The following VWDE variants were observed in gnomAD, a reference collection of about 807,000 sequenced individuals.
VWDE encodes von Willebrand factor D and EGF domains.
In VWDE, 207 loss-of-function variants were observed where a neutral mutation model predicts 178.4. The ratio of observed to expected loss-of-function variants is 1.16; its 90% CI spans 1.04 to 1.30. The LOEUF (loss-of-function observed/expected upper bound fraction) is 1.30. Among genes scored for constraint, VWDE ranks in the 50% most tolerant of loss-of-function variants. VWDE has a pLI of 0.00. For missense variants in VWDE, 2,287 were observed against 1,901.3 expected (o/e 1.20, Z -3.77); for synonymous variants, 738 against 651.4 (o/e 1.13, Z -2.02).
intron 12 of VWDE, among the ~76,000 whole-genome samples, chr7:12,367,979 C>G (rs1307378048): frequency 6.6e-6 from 1 of 151,692 alleles, no homozygotes; most frequent in Non-Finnish European, 1.5e-5. Context: ...TTATTAAACC[C>G]CTTGCCTAAC....
At chr7:12,336,012 C>A in intron 27 of VWDE, 129 bp downstream of exon 27, 2 of 754,102 alleles carry the variant, frequency 2.7e-6, no homozygotes, top group Non-Finnish European at 4.1e-6. Context: ...TATCTAAAAT[C>A]ATTTTTTAAA....
At chr7:12,377,580 G>T in intron 7 of VWDE, 196 bp downstream of exon 7, 1 of 383,310 alleles carries the variant, frequency 2.6e-6, no homozygotes. Flanking sequence ...TATGCTTTCA[G>T]CCAAGAAGAA....
At chr7:12,374,917 AT>A (rs1340771464) in intron 8 of VWDE, 92 bp downstream of exon 8, 82 of 1,312,008 alleles carry the variant, frequency 6.2e-5, no homozygotes, top group Non-Finnish European at 7.8e-5. Flanking sequence ...TTACCAAAAA[AT>A]TTTTTACATA....
At chr7:12,383,658 C>T (rs953885498) in intron 3 of VWDE, 57 bp from the exon 4 acceptor site, 1 of 1,363,222 alleles carries the variant, frequency 7.3e-7, no homozygotes, top group Non-Finnish European at 1.0e-6. Context: ...TATACATCTA[C>T]ATATATCCAA....
chr7:12,355,863 G>C (rs1028886653), intron 18 of VWDE, among the ~76,000 whole-genome samples: 1 of 151,894 alleles, frequency 6.6e-6, no homozygotes, highest in Non-Finnish European at 1.5e-5. Context: ...GGAATGTTTA[G>C]GAACCTGCAA....
chr7:12,344,771 G>A (rs1461287076), intron 19 of VWDE, among the ~76,000 whole-genome samples: 1 of 152,168 alleles, frequency 6.6e-6, no homozygotes, highest in Non-Finnish European at 1.5e-5. Flanking sequence ...ATTGTGAGAA[G>A]ATAGAAACAA....
Position 12,361,407 on chromosome 7 carries a change from C to A in VWDE, c.3013G>T (p.Asp1005Tyr). Residue 1005 changes from aspartate to tyrosine, a missense_variant, in exon 14 of 29, where the codon GAT (aspartate) becomes TAT (tyrosine). Coordinates refer to ENST00000275358, the MANE Select transcript of VWDE (RefSeq NM_001135924.3). ...CCAGTTGGTTTCCCACCCACCAGAT[C>A]CATGGTATCAAACTGCTGAACATCA... ...PTDVQQFDTM[D>Y]LVGGKPTGKW... 2 of 1,550,956 alleles carry A rather than the reference C, an allele frequency of 1.3e-6. No homozygotes were observed. The highest frequency in any genetic ancestry group is 2.4e-5 in the East Asian group (1 of 40,872).
intron 12 of VWDE, among the ~76,000 whole-genome samples, chr7:12,368,056 C>T (rs1417905388): frequency 6.6e-6 from 1 of 151,452 alleles, no homozygotes; most frequent in Non-Finnish European, 1.5e-5. Flanking sequence ...GTATTCAGAA[C>T]CTTAAAAATC....
rs138386323 is a variant in VWDE at position 12,336,080 on chromosome 7, T to TA, written c.4654+60dup. The TA allele has an allele frequency of 3.5e-3, 4,974 of 1,402,546 alleles. 143 individuals carry two copies. The African/African-American group carries it at 0.063, about 18-fold the overall frequency. The allele number at this position is 1,402,546 out of a possible 1,614,324, so 86.9% of individuals were successfully genotyped here. ...ATGGACTTGTCCTAAAGCTATACTT[T>TA]AATTATTATAACAGATTCCAATTCA... On this transcript the variant is annotated intron_variant, in intron 27 of 28. Transcript: ENST00000275358.
intron 24 of VWDE, among the ~76,000 whole-genome samples, chr7:12,338,565 A>G (rs79406113): frequency 0.019 from 2,835 of 152,224 alleles, 83 homozygotes; most frequent in African/African-American, 0.064. Context: ...ACAAAAAAGC[A>G]TACATACTTA....
chr7:12,377,110 G>C (rs1783572374), intron 7 of VWDE, among the ~76,000 whole-genome samples: 1 of 152,030 alleles, frequency 6.6e-6, no homozygotes, highest in African/African-American at 2.4e-5. Flanking sequence ...CTCTACATCA[G>C]GGGCTCAGTG....
rs958367915 is a variant in VWDE at position 12,370,205 on chromosome 7, G to A, written c.2101C>T (p.His701Tyr). 3.2e-6 allele frequency: 5 copies of A among 1,550,640 alleles called. No individual in the cohort carries two copies. The highest frequency in any genetic ancestry group is 4.4e-6 in the Non-Finnish European group (5 of 1,146,702). Residue 701 changes from histidine to tyrosine, a missense_variant, in exon 12 of 29, where the codon CAC (histidine) becomes TAC (tyrosine). His to Tyr is a moderately conservative substitution (Grantham distance 83). Coordinates refer to ENST00000275358, the MANE Select transcript of VWDE (RefSeq NM_001135924.3). ...AAGCCGAGTTTAGTCAGGTTTATGT[G>A]TTTTTTTTCTTGCAGAAATAAATTT... ...NLNLFLQEKKHINLTKLGLNV... is the reference protein window; with the variant it reads ...NLNLFLQEKKYINLTKLGLNV...
chr7:12,385,398 G>T (rs1784050558), intron 3 of VWDE, among the ~76,000 whole-genome samples: 1 of 152,156 alleles, frequency 6.6e-6, no homozygotes, highest in Non-Finnish European at 1.5e-5. Flanking sequence ...TTCTAAAGTA[G>T]TTATGATAAG....
intron 16 of VWDE, among the ~76,000 whole-genome samples, chr7:12,358,897 T>A (rs2128552656): frequency 6.6e-6 from 1 of 152,318 alleles, no homozygotes; most frequent in East Asian, 1.9e-4. Flanking sequence ...CTGGCAAATG[T>A]AATGAAACAC....
At chr7:12,336,939 A>G (rs1781066175) in intron 26 of VWDE, 49 bp downstream of exon 26, 1 of 1,473,396 alleles carries the variant, frequency 6.8e-7, no homozygotes, top group African/African-American at 1.4e-5. Context: ...TCTGCTTTAC[A>G]TTCCCATGAA....
intron 1 of VWDE, among the ~76,000 whole-genome samples, chr7:12,398,271 C>T (rs1043824671): frequency 3.9e-5 from 6 of 152,050 alleles, no homozygotes; most frequent in Admixed American, 3.9e-4. Context: ...TAGAAATTGA[C>T]CCTCCCAGTC....
intron 17 of VWDE, 87 bp from the exon 18 acceptor site, chr7:12,356,417 T>A: frequency 1.0e-6 from 1 of 993,992 alleles, no homozygotes. Context: ...GTCATGTATG[T>A]TTATGTACAA....
Position 12,341,911 on chromosome 7 carries a change from G to C in VWDE, c.4270+148C>G. ...AAACAAAGGGAATGAAGATGAAAGA[G>C]TTTTAAAAATCTGTCTGAAATAACA... On this transcript the variant is annotated intron_variant, in intron 23 of 28. Coordinates refer to ENST00000275358, the MANE Select transcript of VWDE (RefSeq NM_001135924.3). The C allele has an allele frequency of 5.3e-6, 3 of 565,070 alleles. No individual in the cohort carries two copies. In the South Asian group the frequency reaches 8.3e-5, roughly 16 times the overall value. The allele number at this position is 565,070 out of a possible 1,614,324, so 35.0% of individuals were successfully genotyped here.
intron 19 of VWDE, among the ~76,000 whole-genome samples, chr7:12,344,937 A>AT (rs1422454373): frequency 6.6e-6 from 1 of 152,112 alleles, no homozygotes; most frequent in African/African-American, 2.4e-5. Flanking sequence ...ACAGACCACA[A>AT]TGTTAATCAG....
Sources: allele counts gnomAD v4.1 joint callset (sites outside exome capture counted in the v4.1 genomes callset), GRCh38; gene constraint gnomAD v4.1.1; transcripts MANE v1.5; gene names NCBI Gene and HGNC (gene_info 2026-07-23, HGNC 2026-07-21).